The following ERAP1 variants were observed in gnomAD, a reference collection of about 807,000 sequenced individuals.
The protein encoded by ERAP1 is endoplasmic reticulum aminopeptidase 1, also known as adipocyte-derived leucine aminopeptidase.
ERAP1 carries 86 observed loss-of-function variants against 103.7 expected under a neutral mutation model. That is an observed-to-expected ratio of 0.83 (90% CI 0.70 to 0.99). The LOEUF (loss-of-function observed/expected upper bound fraction) is 0.99, where lower values mean the gene tolerates loss of function less well. Among genes scored for constraint, ERAP1 ranks in the 50% least tolerant of loss-of-function variants. The pLI is 0.00. For missense variants in ERAP1, 1,009 were observed against 1,128.4 expected (o/e 0.89, Z 1.52); for synonymous variants, 398 against 402.4 (o/e 0.99, Z 0.13).
intron 17 of ERAP1, 100 bp downstream of exon 17, chr5:96,780,958 G>A (rs1775081621): frequency 1.4e-6 from 2 of 1,399,736 alleles, no homozygotes; most frequent in Non-Finnish European, 2.0e-6. Flanking sequence ...CAATCAAAAA[G>A]TACCTTTAGA....
chr5:96,887,958 C>T, the ERAP1 span, among the ~76,000 whole-genome samples: 1 of 151,960 alleles, frequency 6.6e-6, no homozygotes, highest in East Asian at 1.9e-4. Context: ...AAACCCCTCT[C>T]TACTAAAAAT....
the ERAP1 span, among the ~76,000 whole-genome samples, chr5:96,838,248 G>T: frequency 1.3e-5 from 2 of 152,104 alleles, no homozygotes; most frequent in African/African-American, 4.8e-5. Context: ...CTGGGTTGTC[G>T]AATGGGTTAC....
the ERAP1 span, among the ~76,000 whole-genome samples, chr5:96,845,772 T>G: frequency 2.0e-5 from 3 of 152,228 alleles, no homozygotes; most frequent in South Asian, 6.2e-4. Flanking sequence ...TTAGATTAGA[T>G]ATCTCTAAGA....
At chr5:96,903,490 A>C in the ERAP1 span, 1 of 1,614,032 alleles carries the variant, frequency 6.2e-7, no homozygotes, top group Non-Finnish European at 8.5e-7. Context: ...TACACAGCTG[A>C]ATCAGAACCA....
At chr5:96,903,678 TCAAA>T in the ERAP1 span, 1 of 945,300 alleles carries the variant, frequency 1.1e-6, no homozygotes, top group Non-Finnish European at 1.5e-6. Context: ...TGAATGGAAT[TCAAA>T]CAGTGATCAC....
the ERAP1 span, among the ~76,000 whole-genome samples, chr5:96,906,770 G>A: frequency 6.6e-6 from 1 of 152,168 alleles, no homozygotes; most frequent in Non-Finnish European, 1.5e-5. Flanking sequence ...AGTGGCTCAC[G>A]CCTGTAATCC....
chr5:96,767,261 A>G (rs1014860198), intron 19 of ERAP1, among the ~76,000 whole-genome samples: 1 of 152,236 alleles, frequency 6.6e-6, no homozygotes, highest in African/African-American at 2.4e-5. Flanking sequence ...ATTATAAAGA[A>G]TAGTAATTAA....
chr5:96,765,952 C>A, intron 19 of ERAP1: 1 of 709,302 alleles, frequency 1.4e-6, no homozygotes. Context: ...TATGTTTTGC[C>A]TCATGAAAGT....
chr5:96,822,195 A>G, the ERAP1 span, among the ~76,000 whole-genome samples: 3 of 152,208 alleles, frequency 2.0e-5, no homozygotes, highest in African/African-American at 4.8e-5. Flanking sequence ...TCAGGCTTCA[A>G]ATAATTTCAC....
Position 96,776,366 on chromosome 5 carries a change from G to GAT in ERAP1, c.*28_*29dup. ...ACTCAACAAAATGTTGGTGATTAGA[G>GAT]ATAACAGGAACCTGGCAAGGGAGGA... On this transcript the variant is annotated 3_prime_UTR_variant, in exon 19 of 19. Transcript: ENST00000443439. 1 of 1,593,646 alleles carries GAT rather than the reference G, an allele frequency of 6.3e-7. No homozygotes were observed.
the ERAP1 span, chr5:96,814,240 G>T: frequency 2.2e-6 from 1 of 456,092 alleles, no homozygotes; most frequent in Non-Finnish European, 4.4e-6. Flanking sequence ...TTTTCTGGAG[G>T]CTGCTCTCAG....
At chr5:96,872,975 A>G in the ERAP1 span, among the ~76,000 whole-genome samples, 1 of 152,086 alleles carries the variant, frequency 6.6e-6, no homozygotes, top group African/African-American at 2.4e-5. Context: ...GGATCACCTG[A>G]GGTTAGGAGT....
At chr5:96,809,617 A>G (rs115684236), upstream of ERAP1, among the ~76,000 whole-genome samples, 1 of 152,212 alleles carries the variant, frequency 6.6e-6, no homozygotes, top group African/African-American at 2.4e-5. Flanking sequence ...CCAAGACTCA[A>G]CTACGGTGGG....
the ERAP1 span, among the ~76,000 whole-genome samples, chr5:96,857,496 A>T: frequency 1.8e-4 from 27 of 148,658 alleles, no homozygotes; most frequent in African/African-American, 6.3e-4. Context: ...AAAAATTAAT[A>T]AAAAAATAAA....
chr5:96,876,008 G>C, the ERAP1 span: 1 of 152,468 alleles, frequency 6.6e-6, no homozygotes, highest in Admixed American at 6.5e-5. Flanking sequence ...TCGTGCCCAA[G>C]GAGACAGGGT....
At chr5:96,904,100 G>A in the ERAP1 span, among the ~76,000 whole-genome samples, 3 of 152,226 alleles carry the variant, frequency 2.0e-5, no homozygotes, top group East Asian at 3.8e-4. Context: ...GGGTTGTTAT[G>A]AAATCTATTC....
At chr5:96,799,424 T>C (rs1421733154) in intron 3 of ERAP1, among the ~76,000 whole-genome samples, 3 of 152,158 alleles carry the variant, frequency 2.0e-5, no homozygotes. Flanking sequence ...AGGGACAACA[T>C]TGCATTAGAA....
the ERAP1 span, chr5:96,823,062 A>C: frequency 4.4e-6 from 2 of 456,306 alleles, no homozygotes; most frequent in South Asian, 3.1e-5. Context: ...GGCCGCCCTC[A>C]TCTCCTAGAG....
the ERAP1 span, among the ~76,000 whole-genome samples, chr5:96,855,244 A>G: frequency 6.6e-6 from 1 of 152,226 alleles, no homozygotes; most frequent in South Asian, 2.1e-4. Flanking sequence ...TGATTGCATC[A>G]TTATTATAAT....
Sources: gnomAD v4.1 joint callset for allele counts (sites outside exome capture counted in the v4.1 genomes callset) on GRCh38, gnomAD v4.1.1 for gene constraint, MANE v1.5 for transcripts, NCBI Gene and HGNC (gene_info 2026-07-23, HGNC 2026-07-21) for gene names.